The following DOCK4 variants were observed in gnomAD, a reference collection of about 807,000 sequenced individuals.
The protein encoded by DOCK4 is dedicator of cytokinesis 4.
In DOCK4, 97 loss-of-function variants were observed where a neutral mutation model predicts 268.1. The ratio of observed to expected loss-of-function variants is 0.36; its 90% CI spans 0.31 to 0.43. DOCK4 has a LOEUF of 0.43. DOCK4 is among the 20% of genes least tolerant of loss of function. DOCK4 has a pLI of 1.00. For synonymous variants in DOCK4, 954 were observed against 887.2 expected (o/e 1.08, Z -1.34); for missense variants, 2,145 against 2,455.7 (o/e 0.87, Z 2.67).
At chr7:111,781,908 A>T (rs1798807281) in intron 35 of DOCK4, among the ~76,000 whole-genome samples, 1 of 152,226 alleles carries the variant, frequency 6.6e-6, no homozygotes, top group African/African-American at 2.4e-5. Context: ...ACTATATGGC[A>T]TGTGAGGAAC....
chr7:112,145,569 G>A (rs913669760), intron 1 of DOCK4, among the ~76,000 whole-genome samples: 1 of 152,140 alleles, frequency 6.6e-6, no homozygotes, highest in African/African-American at 2.4e-5. Flanking sequence ...ATTCCAAACG[G>A]ACATACCATT....
chr7:112,024,405 C>T (rs1410077089), intron 1 of DOCK4, among the ~76,000 whole-genome samples: 1 of 152,164 alleles, frequency 6.6e-6, no homozygotes, highest in Non-Finnish European at 1.5e-5. Flanking sequence ...CTACTCAACC[C>T]ACAATCCAAA....
chr7:112,046,312 GTTC>G (rs1804819619), intron 1 of DOCK4, among the ~76,000 whole-genome samples: 1 of 152,108 alleles, frequency 6.6e-6, no homozygotes, highest in Non-Finnish European at 1.5e-5. Context: ...TTCTTCATTT[GTTC>G]TGCCTTGAAT....
At chr7:111,893,527 A>C (rs1468489448) in intron 16 of DOCK4, among the ~76,000 whole-genome samples, 1 of 152,240 alleles carries the variant, frequency 6.6e-6, no homozygotes, top group African/African-American at 2.4e-5. Flanking sequence ...CATTTATATG[A>C]AGTACCATTT....
At chr7:111,902,683 G>C (rs12154507) in intron 13 of DOCK4, among the ~76,000 whole-genome samples, 23,273 of 151,686 alleles carry the variant, frequency 0.15, 2,034 homozygotes, top group Non-Finnish European at 0.19. Context: ...TAAATGGTGA[G>C]ATGGCAAGGT....
At chr7:111,827,965 G>A (rs1802529081) in intron 26 of DOCK4, among the ~76,000 whole-genome samples, 1 of 152,118 alleles carries the variant, frequency 6.6e-6, no homozygotes, top group African/African-American at 2.4e-5. Flanking sequence ...TCCAGCTCAT[G>A]TATAATCTTG....
At chr7:111,741,952 C>A (rs1795947182) in intron 45 of DOCK4, 61 bp downstream of exon 45, 5 of 1,509,564 alleles carry the variant, frequency 3.3e-6, no homozygotes, top group Non-Finnish European at 4.4e-6. Context: ...CATCATCATC[C>A]CTTTAACAAG....
chr7:112,111,009 C>CCTTGGG (rs1811599982), intron 1 of DOCK4, among the ~76,000 whole-genome samples: 1 of 152,214 alleles, frequency 6.6e-6, no homozygotes, highest in East Asian at 1.9e-4. Context: ...GGATGTCCAC[C>CCTTGGG]CTTGAGTGGA....
chr7:111,948,488 C>T (rs1795800269), intron 8 of DOCK4, among the ~76,000 whole-genome samples: 1 of 152,208 alleles, frequency 6.6e-6, no homozygotes, highest in African/African-American at 2.4e-5. Context: ...TAACTTTCTC[C>T]ATACCCTTCC....
At chr7:111,823,017 T>C (rs1802111240) in intron 26 of DOCK4, among the ~76,000 whole-genome samples, 1 of 152,144 alleles carries the variant, frequency 6.6e-6, no homozygotes, top group Non-Finnish European at 1.5e-5. Flanking sequence ...CTGTGCACAA[T>C]ACATTCAAAT....
chr7:111,846,161 CAGA>C (rs1458812463), intron 24 of DOCK4, among the ~76,000 whole-genome samples: 1 of 152,188 alleles, frequency 6.6e-6, no homozygotes, highest in Non-Finnish European at 1.5e-5. Flanking sequence ...CACTGATCTT[CAGA>C]AGCTGATCGT....
intron 8 of DOCK4, among the ~76,000 whole-genome samples, chr7:111,953,152 A>G (rs908291146): frequency 5.9e-5 from 9 of 151,894 alleles, no homozygotes; most frequent in Non-Finnish European, 1.2e-4. Context: ...ACTTGAGCCC[A>G]GGAGGCAGAG....
In DOCK4 at chr7:111,765,115, T is replaced by C; in HGVS notation, c.4020+3A>G. ...AAAGCAAATTAAATAGTATATTACTTACTCTTAAGAAAAATGGAAATTTTT... is the reference window on the plus strand; with the variant it reads ...AAAGCAAATTAAATAGTATATTACTCACTCTTAAGAAAAATGGAAATTTTT... On this transcript the variant is annotated splice_donor_region_variant and intron_variant, in intron 39 of 52. Transcript: ENST00000428084. 6.9e-7 allele frequency: 1 copy of C among 1,459,388 alleles called. No homozygotes were observed. Among genetic ancestry groups the C allele is most frequent in the Non-Finnish European group, 9.2e-7 (1 of 1,081,568 alleles). The allele number at this position is 1,459,388 out of a possible 1,614,324, so 90.4% of individuals were successfully genotyped here. A position where few individuals can be genotyped will look rare whatever the true frequency, so the allele number is the denominator to read the frequency against.
rs55807955 is a variant in DOCK4, at chr7:112,181,639, C to CAAAAAAAAAAAAAA, written c.37+24449_37+24462dup. Among the ~76,000 whole-genome samples the CAAAAAAAAAAAAAA allele has an allele frequency of 8.1e-4, 53 of 65,372 alleles. 4 individuals are homozygous for CAAAAAAAAAAAAAA. Among genetic ancestry groups the CAAAAAAAAAAAAAA allele is most frequent in the African/African-American group, 1.6e-3 (23 of 14,720 alleles). 42.9% of individuals were successfully genotyped at this position (65,372 alleles called of 152,430 possible). On this transcript the variant is annotated intron_variant, in intron 1 of 52. Transcript: ENST00000428084. ...TGAGCAACAGAGTAAGACACTGTCT[C>CAAAAAAAAAAAAAA]AAAAAAAAAAAAAAAAAAAAGCTTG...
At chr7:111,745,647 G>A (rs1484749245) in intron 44 of DOCK4, among the ~76,000 whole-genome samples, 2 of 122,090 alleles carry the variant, frequency 1.6e-5, no homozygotes, top group African/African-American at 6.4e-5. Context: ...TCATGCCACT[G>A]CACTCCAGCC....
At chr7:111,975,096 G>A (rs1192711629) in intron 8 of DOCK4, among the ~76,000 whole-genome samples, 6 of 152,010 alleles carry the variant, frequency 3.9e-5, no homozygotes, top group Non-Finnish European at 5.9e-5. Context: ...GCGAAACCCC[G>A]TCTCTACTAA....
chr7:111,738,975 A>C (rs1393638912), intron 49 of DOCK4, among the ~76,000 whole-genome samples, 159 bp downstream of exon 49: 2 of 151,762 alleles, frequency 1.3e-5, no homozygotes, highest in Non-Finnish European at 2.9e-5. Flanking sequence ...AGAAATTTCT[A>C]ACCATGGGCA....
At chr7:112,055,162 T>TTTC (rs1805702427) in intron 1 of DOCK4, among the ~76,000 whole-genome samples, 1 of 152,200 alleles carries the variant, frequency 6.6e-6, no homozygotes, top group Non-Finnish European at 1.5e-5. Flanking sequence ...TGCAGCATAT[T>TTTC]TTCTGGTCAC....
chr7:112,011,746 C>CAAAAAAAAAAA (rs1302082225), intron 1 of DOCK4, among the ~76,000 whole-genome samples: 1 of 56,356 alleles, frequency 1.8e-5, no homozygotes, highest in African/African-American at 6.3e-5. Context: ...AACTGAAGGT[C>CAAAAAAAAAAA]AAAAAAAAAA....
Sources: gnomAD v4.1 joint callset for allele counts (sites outside exome capture counted in the v4.1 genomes callset) on GRCh38, gnomAD v4.1.1 for gene constraint, MANE v1.5 for transcripts, NCBI Gene and HGNC (gene_info 2026-07-23, HGNC 2026-07-21) for gene names.